ARPP21: variants seen among roughly 807,000 people sequenced by gnomAD.
ARPP21 encodes the protein cAMP regulated phosphoprotein 21, also known as cAMP-regulated phosphoprotein 21.
A neutral mutation model predicts 113.2 loss-of-function variants in ARPP21; 69 were observed. That is an observed-to-expected ratio of 0.61 (90% CI 0.50 to 0.74). The LOEUF (loss-of-function observed/expected upper bound fraction) is 0.74. Among genes scored for constraint, ARPP21 ranks in the 30% least tolerant of loss-of-function variants. The pLI is 0.00. For missense variants in ARPP21, 1,070 were observed against 1,037.4 expected (o/e 1.03, Z -0.43); for synonymous variants, 368 against 375.5 (o/e 0.98, Z 0.23).
intron 15 of ARPP21, 149 bp from the exon 16 acceptor site, chr3:35,737,029 C>A (rs1354430539): frequency 8.9e-6 from 5 of 563,336 alleles, no homozygotes; most frequent in African/African-American, 5.7e-5. Context: ...ACAGTAAGGT[C>A]TTCACATTGG....
intron 19 of ARPP21, among the ~76,000 whole-genome samples, chr3:35,744,825 TAC>T (rs1368047877): frequency 1.3e-5 from 2 of 152,228 alleles, no homozygotes; most frequent in Admixed American, 6.5e-5. Context: ...ATGGAATGTA[TAC>T]AGATACATGT....
intron 1 of ARPP21, among the ~76,000 whole-genome samples, chr3:35,665,490 A>G (rs757850921): frequency 3.3e-5 from 5 of 152,222 alleles, no homozygotes; most frequent in Non-Finnish European, 7.3e-5. Flanking sequence ...GATACCACAC[A>G]CATACATCCA....
intron 19 of ARPP21, among the ~76,000 whole-genome samples, chr3:35,752,997 G>A (rs1205845033): frequency 6.6e-6 from 1 of 151,254 alleles, no homozygotes; most frequent in East Asian, 1.9e-4. Context: ...ACTCATAAAT[G>A]CATGAATAAC....
intron 19 of ARPP21, among the ~76,000 whole-genome samples, chr3:35,791,327 AT>A (rs1168632167): frequency 2.0e-5 from 3 of 152,182 alleles, no homozygotes; most frequent in Non-Finnish European, 4.4e-5. Context: ...AAAATCTAGG[AT>A]TTTAAAGATT....
intron 19 of ARPP21, among the ~76,000 whole-genome samples, chr3:35,747,987 G>GAGGA (rs1294898399): frequency 1.4e-5 from 2 of 141,676 alleles, no homozygotes; most frequent in Non-Finnish European, 3.1e-5. Context: ...GGGAGGGAAG[G>GAGGA]AGGAAGGAAG....
At chr3:35,789,506 A>T (rs182174334) in intron 19 of ARPP21, among the ~76,000 whole-genome samples, 62 of 152,316 alleles carry the variant, frequency 4.1e-4, no homozygotes, top group African/African-American at 1.5e-3. Context: ...CCTTACACTA[A>T]AGTTTTCATT....
chr3:35,744,177 T>C (rs959062741), intron 19 of ARPP21, among the ~76,000 whole-genome samples: 1 of 152,238 alleles, frequency 6.6e-6, no homozygotes, highest in Non-Finnish European at 1.5e-5. Context: ...CTGGCATGCA[T>C]GTTAAACAGT....
At chr3:35,702,395 C>T (rs568624711) in intron 9 of ARPP21, among the ~76,000 whole-genome samples, 4 of 151,666 alleles carry the variant, frequency 2.6e-5, no homozygotes, top group African/African-American at 7.3e-5. Context: ...TATTAGAAAT[C>T]GAACTACTTT....
At chr3:35,762,920 G>A (rs1186233725) in intron 19 of ARPP21, among the ~76,000 whole-genome samples, 1 of 152,056 alleles carries the variant, frequency 6.6e-6, no homozygotes, top group African/African-American at 2.4e-5. Context: ...TTTCTCTGCT[G>A]TCCCTCAATG....
chr3:35,784,488 T>G (rs1206499398), intron 19 of ARPP21, among the ~76,000 whole-genome samples: 1 of 152,212 alleles, frequency 6.6e-6, no homozygotes, highest in East Asian at 1.9e-4. Flanking sequence ...GTCAGTTAAT[T>G]CATGCTATGT....
At chr3:35,685,374 G>A (rs1280934555) in intron 5 of ARPP21, 1 of 985,214 alleles carries the variant, frequency 1.0e-6, no homozygotes, top group Non-Finnish European at 1.2e-6. Context: ...TGGATTGGCT[G>A]AGGAGTGGTG....
intron 1 of ARPP21, among the ~76,000 whole-genome samples, chr3:35,666,648 T>C (rs1575582252): frequency 6.8e-6 from 1 of 147,498 alleles, no homozygotes; most frequent in South Asian, 2.1e-4. Flanking sequence ...TAAATGTACT[T>C]CTTCTTAATT....
chr3:35,669,490 T>G (rs1270951584), intron 1 of ARPP21, among the ~76,000 whole-genome samples: 1 of 152,148 alleles, frequency 6.6e-6, no homozygotes, highest in African/African-American at 2.4e-5. Flanking sequence ...AATTTCCACA[T>G]CCATAGTTTG....
chr3:35,653,666 G>C (rs1703481688), intron 1 of ARPP21, among the ~76,000 whole-genome samples: 1 of 151,990 alleles, frequency 6.6e-6, no homozygotes, highest in Non-Finnish European at 1.5e-5. Context: ...TACTCACCTA[G>C]CAAAGTTAAT....
chr3:35,781,911 GTGT>G (rs951361048), intron 19 of ARPP21, among the ~76,000 whole-genome samples: 3 of 152,160 alleles, frequency 2.0e-5, no homozygotes, highest in African/African-American at 4.8e-5. Context: ...AAACTTAGTT[GTGT>G]TGTTGTTGTT....
At chr3:35,667,960 GAAGAAGAAGAA>G (rs1559549025) in intron 1 of ARPP21, among the ~76,000 whole-genome samples, 5 of 59,000 alleles carry the variant, frequency 8.5e-5, no homozygotes, top group Non-Finnish European at 1.4e-4. Flanking sequence ...AGAAGAAGAA[GAAGAAGAAGAA>G]GAAGAAGAAG....
Position 35,794,288 on chromosome 3 carries a change from C to A in ARPP21, c.*330C>A. 3.5e-6 allele frequency: 1 copy of A among 282,464 alleles called. No homozygotes were observed. Among genetic ancestry groups the A allele is most frequent in the Non-Finnish European group, 6.7e-6 (1 of 149,752 alleles). 17.5% of individuals were successfully genotyped at this position (282,464 alleles called of 1,614,324 possible). ...TGTACTTTGTGTTGAGTTTGTGATGCTAAAAGTATTTAAAAATTATATACT... is the reference window on the plus strand; with the variant it reads ...TGTACTTTGTGTTGAGTTTGTGATGATAAAAGTATTTAAAAATTATATACT... On this transcript the variant is annotated 3_prime_UTR_variant, in exon 21 of 21. Transcript: ENST00000684406.
chr3:35,651,723 T>C (rs1422413723), intron 1 of ARPP21: 2 of 152,112 alleles, frequency 1.3e-5, no homozygotes, highest in Non-Finnish European at 2.9e-5. Flanking sequence ...TTCTTGGTAC[T>C]CATTTTTTTC....
intron 18 of ARPP21, among the ~76,000 whole-genome samples, chr3:35,742,011 A>C (rs2150825084): frequency 6.6e-6 from 1 of 152,322 alleles, no homozygotes; most frequent in Admixed American, 6.5e-5. Flanking sequence ...GAAAAGAAAA[A>C]AAACAAAACA....
Sources: gnomAD v4.1 joint callset for allele counts (sites outside exome capture counted in the v4.1 genomes callset) on GRCh38, gnomAD v4.1.1 for gene constraint, MANE v1.5 for transcripts, NCBI Gene and HGNC (gene_info 2026-07-23, HGNC 2026-07-21) for gene names.